Variants in CLEC16A observed in about 807,000 individuals in gnomAD.
CLEC16A encodes the protein protein CLEC16A.
CLEC16A carries 51 observed loss-of-function variants against 109.5 expected under a neutral mutation model. The observed-to-expected ratio is 0.47, with a 90% CI of 0.37 to 0.59. The LOEUF (loss-of-function observed/expected upper bound fraction) is 0.59, where lower values mean the gene tolerates loss of function less well. Ranked by LOEUF, CLEC16A falls within the 20% of genes least tolerant of loss-of-function variation. The pLI, the probability that CLEC16A is intolerant of heterozygous loss-of-function variation, is 0.00. For missense variants in CLEC16A, 1,339 were observed against 1,394.0 expected, an observed-to-expected ratio of 0.96 and a Z score of 0.63; for synonymous variants, 673 against 564.2, an observed-to-expected ratio of 1.19 and a Z score of -2.73.
intron 1 of CLEC16A, among the ~76,000 whole-genome samples, chr16:10,947,065 T>G (rs536021946): frequency 1.3e-5 from 2 of 152,382 alleles, no homozygotes. Context: ...TGCAGTATCC[T>G]GGGAACTGCC....
intron 18 of CLEC16A, chr16:11,056,535 T>A (rs1235046817): frequency 6.6e-6 from 1 of 152,254 alleles, no homozygotes; most frequent in Non-Finnish European, 1.5e-5. Context: ...ACTAGCCATC[T>A]GTATATAGTC....
Position 10,969,193 on chromosome 16 carries a change from A to G in CLEC16A, c.376A>G (p.Ile126Val), listed in dbSNP as rs1202838357. Reference protein sequence around the residue: ...YLLSNNYVNSIIVHKFDFSDE... With the variant: ...YLLSNNYVNSVIVHKFDFSDE... ...GCTCTCAAATAACTACGTAAATTCTATCATCGTTCATAAATTTGACTTTTC... is the reference window on the plus strand; with the variant it reads ...GCTCTCAAATAACTACGTAAATTCTGTCATCGTTCATAAATTTGACTTTTC... Residue 126 changes from isoleucine (I) to valine (V), a missense_variant, in exon 4 of 24, where the codon ATC (isoleucine) becomes GTC (valine). By Grantham distance (29) the Ile-to-Val change is conservative. This residue lies in a region of CLEC16A where 161 missense variants were observed against 267.1 expected (regional missense o/e 0.60). Coordinates refer to ENST00000409790, the MANE Select transcript of CLEC16A (RefSeq NM_015226.3). The G allele has an allele frequency of 1.9e-6, 3 of 1,610,086 alleles. No individual in the cohort carries two copies. The highest frequency in any genetic ancestry group is 2.5e-6 in the Non-Finnish European group (3 of 1,177,378).
intron 10 of CLEC16A, among the ~76,000 whole-genome samples, chr16:10,996,090 C>A (rs555360609): frequency 6.6e-6 from 1 of 152,308 alleles, no homozygotes; most frequent in Non-Finnish European, 1.5e-5. Flanking sequence ...CCCTTACATC[C>A]CCTTTCCTGG....
chr16:11,016,412 A>G (rs1208050898), intron 11 of CLEC16A, among the ~76,000 whole-genome samples: 1 of 148,966 alleles, frequency 6.7e-6, no homozygotes, highest in African/African-American at 2.5e-5. Flanking sequence ...GCAGTGGCCC[A>G]ATCTTGGCTC....
At chr16:11,078,907 C>T (rs1241020301) in intron 19 of CLEC16A, among the ~76,000 whole-genome samples, 2 of 152,204 alleles carry the variant, frequency 1.3e-5, no homozygotes, top group Non-Finnish European at 2.9e-5. Context: ...CACTTTCCTG[C>T]ATCCGTGTAG....
At chr16:10,959,053 CTGT>C (rs747560084) in intron 2 of CLEC16A, among the ~76,000 whole-genome samples, 76 of 112,734 alleles carry the variant, frequency 6.7e-4, no homozygotes, top group Non-Finnish European at 1.3e-3. Flanking sequence ...GTGTGTGTGT[CTGT>C]ATTATAAATA....
intron 22 of CLEC16A, among the ~76,000 whole-genome samples, chr16:11,134,141 C>G (rs1307127538): frequency 2.0e-5 from 3 of 151,714 alleles, no homozygotes; most frequent in Non-Finnish European, 4.4e-5. Context: ...CCATGCTGAA[C>G]CAACTTTTAA....
chr16:11,032,492 C>T lies in CLEC16A; in HGVS notation c.1538-7262C>T, dbSNP rs555759178. Among the ~76,000 whole-genome samples, 15 of 152,340 alleles carry T rather than the reference C, an allele frequency of 9.8e-5. No homozygotes were observed. The South Asian group carries it at 1.2e-3, about 13-fold the overall frequency. ...CTGAGCGCTTGCCAGGGCAAGGCCC[C>T]GTCATAGGCACTCAAACAAGCCCAG... On this transcript the variant is annotated intron_variant, in intron 13 of 23. Transcript: ENST00000409790.
chr16:11,026,340 A>T (rs1054319571), intron 13 of CLEC16A, among the ~76,000 whole-genome samples: 21 of 152,334 alleles, frequency 1.4e-4, no homozygotes, highest in African/African-American at 4.3e-4. Context: ...TTCAGTAGGC[A>T]TAGGGCTTTT....
chr16:11,166,466 G>C lies in CLEC16A; in HGVS notation c.2720G>C (p.Ser907Thr). ...CAGTCGCCACCCTCCGCCAGCGGGA[G>C]CCCCAGCGGCAGCGGGAGCACCAGC... is the stretch of plus-strand genomic sequence containing the variant. ...SSQSPPSASGSPSGSGSTSHC... is the reference protein window; with the variant it reads ...SSQSPPSASGTPSGSGSTSHC... Residue 907 changes from serine (S) to threonine (T), a missense_variant, in exon 23 of 24, where the codon AGC becomes ACC. Physicochemically the swap from Ser to Thr is moderately conservative, Grantham distance 58. Around this residue, in one of 3 missense-constraint regions of CLEC16A, gnomAD observed 1,061 missense variants for 1,006.8 expected, o/e 1.05. Transcript: ENST00000409790. 5 of 1,608,376 alleles carry C rather than the reference G, an allele frequency of 3.1e-6. No individual in the cohort carries two copies. Among genetic ancestry groups the C allele is most frequent in the Non-Finnish European group, 3.4e-6 (4 of 1,179,752 alleles).
In CLEC16A at chr16:11,166,432, C is replaced by G. The variant is rs1351462345; in HGVS notation, c.2686C>G (p.Leu896Val). 8 of 1,606,830 alleles carry G rather than the reference C, an allele frequency of 5.0e-6. No homozygotes were observed. Among genetic ancestry groups the G allele is most frequent in the African/African-American group, 2.7e-5 (2 of 74,940 alleles). The change falls in exon 23 of 24, where the codon CTG (leucine) becomes GTG (valine). Residue 896 changes from leucine to valine, a missense_variant. Leu to Val is a conservative substitution (Grantham distance 32). Coordinates refer to ENST00000409790, the MANE Select transcript of CLEC16A (RefSeq NM_015226.3). Reference sequence around the variant, plus strand: ...CATAAACCAGCACAGCTCCCCGTCCCTGTCCTCACAGTCGCCACCCTCCGC... The same window carrying G: ...CATAAACCAGCACAGCTCCCCGTCCGTGTCCTCACAGTCGCCACCCTCCGC... ...QCINQHSSPS[L>V]SSQSPPSASG...
intron 10 of CLEC16A, among the ~76,000 whole-genome samples, chr16:10,991,773 A>C (rs2044031174): frequency 6.6e-6 from 1 of 152,224 alleles, no homozygotes; most frequent in Non-Finnish European, 1.5e-5. Flanking sequence ...AGAGTCCTTG[A>C]AACTGGTTTT....
At position 10,991,748 on chromosome 16, in the gene CLEC16A, G is replaced by T. The variant is rs373343196; in HGVS notation, c.1071+8757G>T. On this transcript the variant is annotated intron_variant, in intron 10 of 23. Transcript: ENST00000409790. ...ATCTCTAATGAGCGGTGGACATCCG[G>T]TCTTGGCCAGTGTCAGAGTCCTTGA... Among the ~76,000 whole-genome samples, 13 of 152,358 alleles carry T rather than the reference G, an allele frequency of 8.5e-5. No individual in the cohort carries two copies. The South Asian group carries it at 1.4e-3, about 17-fold the overall frequency.
At chr16:11,022,670 T>C (rs532764173) in intron 12 of CLEC16A, among the ~76,000 whole-genome samples, 1 of 151,906 alleles carries the variant, frequency 6.6e-6, no homozygotes, top group East Asian at 1.9e-4. Context: ...GAGGCCAAGG[T>C]GGGCAGATCA....
At chr16:11,019,040 G>A (rs1390473020) in intron 11 of CLEC16A, among the ~76,000 whole-genome samples, 2 of 152,208 alleles carry the variant, frequency 1.3e-5, no homozygotes, top group Non-Finnish European at 2.9e-5. Flanking sequence ...GAGCCGGGGG[G>A]AGGGAGACCA....
At chr16:10,989,163 A>G (rs1478213215) in intron 10 of CLEC16A, among the ~76,000 whole-genome samples, 1 of 152,146 alleles carries the variant, frequency 6.6e-6, no homozygotes, top group East Asian at 1.9e-4. Context: ...TGTGCTCTCC[A>G]TTCAGCCAGA....
Position 10,952,974 on chromosome 16 carries a change from T to C in CLEC16A, c.81-4808T>C, listed in dbSNP as rs190400117. The stretch of plus-strand genomic sequence containing the variant: ...TGTCAGTTCTCTCCAAATTTAGCCA[T>C]AGATGTAGGGCAAGTCTAAGAAAAT... On this transcript the variant is annotated intron_variant, in intron 1 of 23. Coordinates refer to ENST00000409790, the MANE Select transcript of CLEC16A (RefSeq NM_015226.3). Among the ~76,000 whole-genome samples, 193 of 152,304 alleles carry C rather than the reference T, an allele frequency of 1.3e-3. 4 individuals carry two copies. Among genetic ancestry groups the C allele is most frequent in the Non-Finnish European group, 1.3e-4 (9 of 68,008 alleles).
At chr16:10,973,840 G>A (rs1388562789) in intron 7 of CLEC16A, among the ~76,000 whole-genome samples, 2 of 142,878 alleles carry the variant, frequency 1.4e-5, no homozygotes, top group African/African-American at 5.3e-5. Context: ...CAAAGTGCTA[G>A]GATTACAGGT....
At chr16:10,979,305 C>G (rs972352419) in intron 8 of CLEC16A, 24 bp from the exon 9 acceptor site, 1 of 1,607,428 alleles carries the variant, frequency 6.2e-7, no homozygotes, top group Non-Finnish European at 8.5e-7. Context: ...ATCTCTCTCT[C>G]TCTCTCCTGC....
Sources: allele counts gnomAD v4.1 joint callset (sites outside exome capture counted in the v4.1 genomes callset), GRCh38; gene constraint gnomAD v4.1.1; regional missense constraint gnomAD v4.1.1; transcripts MANE v1.5; gene names NCBI Gene and HGNC (gene_info 2026-07-23, HGNC 2026-07-21).